Variants in AGBL4 observed in about 807,000 individuals in gnomAD.
The protein encoded by AGBL4 is cytosolic carboxypeptidase 6.
A neutral mutation model predicts 66.4 loss-of-function variants in AGBL4; 58 were observed. The observed-to-expected ratio is 0.87, with a 90% confidence interval of 0.71 to 1.09. The LOEUF (loss-of-function observed/expected upper bound fraction) is 1.09. Among genes scored for constraint, AGBL4 ranks in the 50% least tolerant of loss-of-function variants. The pLI is 0.00. For missense variants in AGBL4, 579 were observed against 631.0 expected, an observed-to-expected ratio of 0.92 and a Z score of 0.88; for synonymous variants, 234 against 222.9, an observed-to-expected ratio of 1.05 and a Z score of -0.44.
At chr1:49,086,438 T>C (rs1292614116) in intron 4 of AGBL4, among the ~76,000 whole-genome samples, 4 of 152,100 alleles carry the variant, frequency 2.6e-5, no homozygotes, top group African/African-American at 9.7e-5. Context: ...CAATGTCTTC[T>C]AGAACTTCCA....
intron 3 of AGBL4, among the ~76,000 whole-genome samples, chr1:49,546,890 G>A (rs556339543): frequency 5.3e-5 from 8 of 152,268 alleles, no homozygotes; most frequent in African/African-American, 1.9e-4. Context: ...GTTAGTTGTA[G>A]ATTCTGGGTA....
At chr1:48,857,187 A>G (rs1558043878) in intron 6 of AGBL4, among the ~76,000 whole-genome samples, 1 of 152,226 alleles carries the variant, frequency 6.6e-6, no homozygotes, top group Non-Finnish European at 1.5e-5. Flanking sequence ...GACTCTGAGT[A>G]GACATTCCTA....
intron 1 of AGBL4, among the ~76,000 whole-genome samples, chr1:49,943,056 A>G (rs1320959775): frequency 6.6e-6 from 1 of 152,212 alleles, no homozygotes; most frequent in East Asian, 1.9e-4. Flanking sequence ...AGGCAGGTAT[A>G]TAAAAAGGTG....
At chr1:48,625,981 G>A (rs1645496037) in intron 9 of AGBL4, among the ~76,000 whole-genome samples, 1 of 152,172 alleles carries the variant, frequency 6.6e-6, no homozygotes, top group South Asian at 2.1e-4. Flanking sequence ...AACTGCTGTA[G>A]GAAAAACTGT....
chr1:48,652,531 C>T (rs1423739385), intron 8 of AGBL4, among the ~76,000 whole-genome samples: 1 of 152,160 alleles, frequency 6.6e-6, no homozygotes, highest in Non-Finnish European at 1.5e-5. Context: ...CAGACAATGC[C>T]TTGCATGCAA....
chr1:48,742,499 A>T, intron 6 of AGBL4: 1 of 1,008,106 alleles, frequency 9.9e-7, no homozygotes, highest in Non-Finnish European at 1.3e-6. Context: ...AGAAACAGTC[A>T]TTCAGGGCTA....
intron 6 of AGBL4, among the ~76,000 whole-genome samples, chr1:48,837,739 A>ATATATATATATATATATATATATC (rs1646717829): frequency 7.5e-6 from 1 of 133,028 alleles, no homozygotes; most frequent in Non-Finnish European, 1.6e-5. Flanking sequence ...ATATATATAT[A>ATATATATATATATATATATATATC]TATCCTGTTA....
At chr1:48,825,638 G>A (rs1436337471) in intron 6 of AGBL4, among the ~76,000 whole-genome samples, 5 of 152,144 alleles carry the variant, frequency 3.3e-5, no homozygotes, top group Non-Finnish European at 1.5e-5. Flanking sequence ...GTGAATAAGT[G>A]CATAAATAAA....
At chr1:49,301,776 C>A (rs1444471716) in intron 3 of AGBL4, among the ~76,000 whole-genome samples, 1 of 152,144 alleles carries the variant, frequency 6.6e-6, no homozygotes, top group East Asian at 1.9e-4. Flanking sequence ...CCAATTGACG[C>A]TACCCAGACC....
intron 4 of AGBL4, among the ~76,000 whole-genome samples, chr1:49,169,340 A>T (rs1646690813): frequency 6.6e-6 from 1 of 152,138 alleles, no homozygotes; most frequent in Non-Finnish European, 1.5e-5. Context: ...GATCTGTATA[A>T]CAACTGGATT....
At chr1:49,063,356 G>A (rs1644435744) in intron 4 of AGBL4, among the ~76,000 whole-genome samples, 1 of 152,146 alleles carries the variant, frequency 6.6e-6, no homozygotes, top group African/African-American at 2.4e-5. Flanking sequence ...CAGGTAAATA[G>A]AATTTGGATG....
chr1:48,559,196 G>T (rs542983507), intron 11 of AGBL4, among the ~76,000 whole-genome samples: 2 of 152,322 alleles, frequency 1.3e-5, no homozygotes, highest in African/African-American at 4.8e-5. Context: ...GCTGATGGCT[G>T]TCCTTTTCCT....
intron 6 of AGBL4, among the ~76,000 whole-genome samples, chr1:48,840,464 TAC>T (rs1350294671): frequency 5.3e-5 from 8 of 152,210 alleles, no homozygotes; most frequent in African/African-American, 9.6e-5. Flanking sequence ...GCATGTAAGA[TAC>T]CTAACAGTGT....
At chr1:49,533,651 G>A (rs1045320636) in intron 3 of AGBL4, among the ~76,000 whole-genome samples, 3 of 152,088 alleles carry the variant, frequency 2.0e-5, no homozygotes, top group African/African-American at 7.2e-5. Flanking sequence ...TTCAAGTCCT[G>A]AGGATTATCA....
intron 2 of AGBL4, among the ~76,000 whole-genome samples, chr1:49,848,538 T>TATGCTA (rs1343378158): frequency 6.6e-6 from 1 of 152,200 alleles, no homozygotes; most frequent in Non-Finnish European, 1.5e-5. Context: ...TGGAGGCCAT[T>TATGCTA]ATGCTAAGTG....
chr1:49,735,685 T>C (rs564474181), intron 2 of AGBL4, among the ~76,000 whole-genome samples: 1 of 151,940 alleles, frequency 6.6e-6, no homozygotes, highest in Admixed American at 6.6e-5. Context: ...AAAAAGGAAA[T>C]ACACAGGAGA....
At chr1:49,102,341 A>G (rs1313572386) in intron 4 of AGBL4, among the ~76,000 whole-genome samples, 6 of 152,290 alleles carry the variant, frequency 3.9e-5, no homozygotes, top group Non-Finnish European at 7.4e-5. Context: ...AAAGAGCAAT[A>G]TATCAGTATA....
At chr1:49,739,376 A>G (rs533826022) in intron 2 of AGBL4, among the ~76,000 whole-genome samples, 1 of 152,272 alleles carries the variant, frequency 6.6e-6, no homozygotes, top group East Asian at 1.9e-4. Flanking sequence ...AAAGAAATGA[A>G]CAAAGCCTCC....
intron 1 of AGBL4, among the ~76,000 whole-genome samples, chr1:49,976,565 T>C (rs1320212820): frequency 6.6e-6 from 1 of 152,152 alleles, no homozygotes; most frequent in Non-Finnish European, 1.5e-5. Context: ...CCTGAGCCAT[T>C]TTCTGATTAA....
Sources: gnomAD v4.1 joint callset for allele counts (sites outside exome capture counted in the v4.1 genomes callset) on GRCh38, gnomAD v4.1.1 for gene constraint, MANE v1.5 for transcripts, NCBI Gene and HGNC (gene_info 2026-07-23, HGNC 2026-07-21) for gene names.